Variants in RNF4 observed in about 807,000 individuals in gnomAD.
RNF4 encodes the protein ring finger protein 4.
RNF4 carries 7 observed loss-of-function variants against 24.3 expected under a neutral mutation model. The observed-to-expected ratio is 0.29, with a 90% CI of 0.16 to 0.54. The LOEUF (loss-of-function observed/expected upper bound fraction) is 0.54, where lower values mean the gene tolerates loss of function less well. Ranked by LOEUF, RNF4 falls within the 20% of genes least tolerant of loss-of-function variation. The pLI is 0.95. For missense variants in RNF4, 209 were observed against 248.5 expected (o/e 0.84, Z 1.07); for synonymous variants, 83 against 84.3 (o/e 0.98, Z 0.09).
At chr4:2,484,279 A>C (rs1735341253) in intron 1 of RNF4, among the ~76,000 whole-genome samples, 1 of 151,760 alleles carries the variant, frequency 6.6e-6, no homozygotes, top group Admixed American at 6.6e-5. Context: ...TTACGATATC[A>C]TTCTGGTTCT....
In RNF4 at chr4:2,512,121, C is replaced by T; in HGVS notation, c.214+156C>T. On this transcript the variant is annotated intron_variant, in intron 5 of 7. Transcript: ENST00000314289. The surrounding 1 kb of genome is among the most constrained non-coding windows in gnomAD (Gnocchi z 4.1). ...AGATGCTGTGGTCAGACCCACACAG[C>T]CAGTCCCCCTTGTGCCTGCTGAAGA... The T allele has an allele frequency of 1.5e-6, 1 of 679,834 alleles. No individual in the cohort carries two copies. Among genetic ancestry groups the T allele is most frequent in the Non-Finnish European group, 2.5e-6 (1 of 393,034 alleles). The allele number at this position is 679,834 out of a possible 1,614,324, so 42.1% of individuals were successfully genotyped here. A position where few individuals can be genotyped will look rare whatever the true frequency, so the allele number is the denominator to read the frequency against.
chr4:2,473,721 A>G (rs1337424868), intron 1 of RNF4, among the ~76,000 whole-genome samples: 1 of 151,544 alleles, frequency 6.6e-6, no homozygotes, highest in African/African-American at 2.4e-5. Flanking sequence ...TGAGGCAGAG[A>G]ATTGCTTAAA....
At chr4:2,476,960 T>C (rs1578498312) in intron 1 of RNF4, among the ~76,000 whole-genome samples, 1 of 151,900 alleles carries the variant, frequency 6.6e-6, no homozygotes, top group South Asian at 2.1e-4. Flanking sequence ...TTTTGTATTT[T>C]TATTAGAGAC....
chr4:2,498,180 T>C (rs1735795072), intron 3 of RNF4, among the ~76,000 whole-genome samples: 1 of 152,086 alleles, frequency 6.6e-6, no homozygotes, highest in South Asian at 2.1e-4. Flanking sequence ...ATTAGAGCAC[T>C]GTTTTGTTTT....
intron 4 of RNF4, among the ~76,000 whole-genome samples, chr4:2,504,913 T>C (rs879353565): frequency 6.6e-6 from 1 of 151,964 alleles, no homozygotes; most frequent in Non-Finnish European, 1.5e-5. Context: ...TTTATATTTT[T>C]AGTAGAGATG....
intron 1 of RNF4, among the ~76,000 whole-genome samples, chr4:2,485,214 C>T (rs1333551370): frequency 3.3e-5 from 5 of 152,210 alleles, no homozygotes; most frequent in Admixed American, 1.3e-4. Flanking sequence ...AGGTCACCAG[C>T]GTCCCACTTC....
chr4:2,478,509 G>T lies in RNF4; in HGVS notation c.-158+9251G>T, dbSNP rs116385861. On this transcript the variant is annotated intron_variant, in intron 1 of 7. Coordinates refer to ENST00000314289, the MANE Select transcript of RNF4 (RefSeq NM_002938.5). ...GCTGGGCCCAGGGTTCCCCTGCTGTGTGCAGCCTAGGGGCCTGGTGCCCTG... is the reference window on the plus strand; with the variant it reads ...GCTGGGCCCAGGGTTCCCCTGCTGTTTGCAGCCTAGGGGCCTGGTGCCCTG... Among the ~76,000 whole-genome samples the T allele has an allele frequency of 8.1e-3, 1,229 of 152,344 alleles. 22 individuals are homozygous for T. Among genetic ancestry groups the T allele is most frequent in the African/African-American group, 0.027 (1,132 of 41,584 alleles).
chr4:2,481,047 C>T (rs190271595), intron 1 of RNF4: 1 of 152,278 alleles, frequency 6.6e-6, no homozygotes, highest in Admixed American at 6.5e-5. Context: ...AATATACACA[C>T]CTTCCACATA....
chr4:2,500,941 G>A (rs534752644), intron 4 of RNF4, among the ~76,000 whole-genome samples: 2 of 152,328 alleles, frequency 1.3e-5, no homozygotes, highest in South Asian at 2.1e-4. Context: ...ATTCAGTGAC[G>A]AGAGCCCAAA....
chr4:2,507,877 C>G (rs150598564), intron 4 of RNF4, among the ~76,000 whole-genome samples: 1 of 151,312 alleles, frequency 6.6e-6, no homozygotes, highest in Non-Finnish European at 1.5e-5. Flanking sequence ...CTTTTTGAGA[C>G]AGGGTGTTGC....
At chr4:2,472,890 A>C (rs1099779) in intron 1 of RNF4, among the ~76,000 whole-genome samples, 128,655 of 151,592 alleles carry the variant, frequency 0.85, 54,661 homozygotes, top group South Asian at 0.89. Context: ...AATACAAAAA[A>C]TTAGCCGGTC....
At chr4:2,481,646 C>G (rs1198638257) in intron 1 of RNF4, among the ~76,000 whole-genome samples, 1 of 152,160 alleles carries the variant, frequency 6.6e-6, no homozygotes, top group Admixed American at 6.6e-5. Flanking sequence ...TCAGAGCATT[C>G]CTGTTGTGCG....
chr4:2,512,309 A>G lies in RNF4; in HGVS notation c.215-129A>G. 2 of 1,103,766 alleles carry G rather than the reference A, an allele frequency of 1.8e-6. No homozygotes were observed. Among genetic ancestry groups the G allele is most frequent in the Non-Finnish European group, 2.7e-6 (2 of 747,662 alleles). 68.4% of individuals were successfully genotyped at this position (1,103,766 alleles called of 1,614,324 possible). The stretch of plus-strand genomic sequence containing the variant: ...AGAACCTTCTGGGTTATAGCTGAGC[A>G]TGGCAGCAGTTTGTCTCTGGGGGTC... On this transcript the variant is annotated intron_variant, in intron 5 of 7. Transcript: ENST00000314289. This position sits in a 1 kb window ranked among gnomAD's most constrained non-coding sequence, Gnocchi z 4.1.
In RNF4 at chr4:2,500,754, TGA is replaced by T. The variant is rs753962865; in HGVS notation, c.204+20_204+21del. 2 of 1,612,996 alleles carry T rather than the reference TGA, an allele frequency of 1.2e-6. No homozygotes were observed. The highest frequency in any genetic ancestry group is 1.1e-5 in the South Asian group (1 of 90,920). On this transcript the variant is annotated intron_variant, in intron 4 of 7. Coordinates refer to ENST00000314289, the MANE Select transcript of RNF4 (RefSeq NM_002938.5). Reference sequence around the variant, plus strand: ...CTCTGTTGTGGTAAGTGTTGGAGTGTGAGAGTCGGCTGTTTCTTGGGTATGGG... The same window carrying T: ...CTCTGTTGTGGTAAGTGTTGGAGTGTGAGTCGGCTGTTTCTTGGGTATGGG...
chr4:2,477,468 C>G lies in RNF4; in HGVS notation c.-158+8210C>G, dbSNP rs144386107. Among the ~76,000 whole-genome samples the G allele has an allele frequency of 6.1e-3, 921 of 152,198 alleles. 3 individuals are homozygous for G. Among genetic ancestry groups the G allele is most frequent in the Non-Finnish European group, 9.0e-3 (612 of 68,014 alleles). On this transcript the variant is annotated intron_variant, in intron 1 of 7. Transcript: ENST00000314289. ...GACATGGTGGTACATGCCTGTAGTT[C>G]CAGCTACTTGGGAGGCTGAGGCAGG...
intron 1 of RNF4, among the ~76,000 whole-genome samples, chr4:2,487,368 C>T (rs908139704): frequency 2.0e-5 from 3 of 152,200 alleles, no homozygotes; most frequent in African/African-American, 7.2e-5. Context: ...TCATTGCAAC[C>T]TCCGCCTCCC....
intron 1 of RNF4, among the ~76,000 whole-genome samples, chr4:2,486,198 G>A (rs1560403784): frequency 6.6e-6 from 1 of 152,178 alleles, no homozygotes; most frequent in Non-Finnish European, 1.5e-5. Context: ...CACATGTGGT[G>A]ATATTAATAT....
chr4:2,492,130 C>T (rs868212776), intron 2 of RNF4, among the ~76,000 whole-genome samples: 6 of 150,668 alleles, frequency 4.0e-5, no homozygotes, highest in Non-Finnish European at 8.9e-5. Flanking sequence ...ACCTGGGAGG[C>T]GGAGCTTGCA....
rs1359298537 is a variant in RNF4 at position 2,514,620 on chromosome 4, A to G, written c.*801A>G. The G allele has an allele frequency of 6.5e-6, 1 of 152,708 alleles. No individual in the cohort carries two copies. The highest frequency in any genetic ancestry group is 1.9e-4 in the East Asian group (1 of 5,194). 9.5% of individuals were successfully genotyped at this position (152,708 alleles called of 1,614,324 possible). ...CTTCACCTGGCACAGGACATGCAAG[A>G]TAAATAGGGCAGGCACGTGTTTGGG... On this transcript the variant is annotated 3_prime_UTR_variant, in exon 8 of 8. Transcript: ENST00000314289.
Sources: allele counts gnomAD v4.1 joint callset (sites outside exome capture counted in the v4.1 genomes callset), GRCh38; gene constraint gnomAD v4.1.1; non-coding constraint Gnocchi (gnomAD v3.1); transcripts MANE v1.5; gene names NCBI Gene and HGNC (gene_info 2026-07-23, HGNC 2026-07-21).